KRT86: variants seen among roughly 807,000 people sequenced by gnomAD.
KRT86 encodes the protein keratin 86, also known as keratin, type II cuticular Hb6.
A neutral mutation model predicts 41.2 loss-of-function variants in KRT86; 30 were observed. The ratio of observed to expected loss-of-function variants is 0.73; its 90% confidence interval spans 0.54 to 0.99. The LOEUF (loss-of-function observed/expected upper bound fraction) is 0.99, where lower values mean the gene tolerates loss of function less well. KRT86 is among the 50% of genes least tolerant of loss of function. The pLI is 0.00. For synonymous variants in KRT86, 238 were observed against 238.1 expected, an observed-to-expected ratio of 1.00 and a Z score of 0.00; for missense variants, 561 against 571.4, an observed-to-expected ratio of 0.98 and a Z score of 0.19.
intron 2 of KRT86, among the ~76,000 whole-genome samples, chr12:52,296,316 C>G (rs1014743260): frequency 3.3e-5 from 5 of 151,954 alleles, no homozygotes; most frequent in African/African-American, 1.2e-4. Flanking sequence ...AAGGGTCACT[C>G]CAGGGATGAA....
intron 2 of KRT86, among the ~76,000 whole-genome samples, chr12:52,295,098 G>A (rs1001666387): frequency 6.6e-6 from 1 of 152,154 alleles, no homozygotes; most frequent in Non-Finnish European, 1.5e-5. Context: ...GTGCATTTAT[G>A]CAAGAGTTTT....
intron 2 of KRT86, chr12:52,288,391 C>A: frequency 3.1e-6 from 5 of 1,614,178 alleles, no homozygotes; most frequent in Non-Finnish European, 4.2e-6. Flanking sequence ...GGAAGTCGAT[C>A]TCCTGGATCA....
chr12:52,278,275 T>TGAGGGGATAAC (rs1937684325), intron 2 of KRT86, among the ~76,000 whole-genome samples: 1 of 152,104 alleles, frequency 6.6e-6, no homozygotes, highest in Admixed American at 6.5e-5. Context: ...TTATCCCCAT[T>TGAGGGGATAAC]TTACAGATGA....
At chr12:52,283,470 ATTT>A (rs200241229) in intron 2 of KRT86, among the ~76,000 whole-genome samples, 28 of 65,366 alleles carry the variant, frequency 4.3e-4, no homozygotes, top group South Asian at 1.4e-3. Context: ...TAATCCAAGC[ATTT>A]TTTTTTTTTT....
At chr12:52,288,405 C>T in intron 2 of KRT86, 1 of 1,614,174 alleles carries the variant, frequency 6.2e-7, no homozygotes, top group South Asian at 1.1e-5. Flanking sequence ...TGGATCAGGG[C>T]CTCCACGTTG....
chr12:52,296,548 T>A (rs1180616907), intron 2 of KRT86, among the ~76,000 whole-genome samples: 4 of 152,156 alleles, frequency 2.6e-5, no homozygotes, highest in African/African-American at 9.7e-5. Context: ...CACCCAGGCA[T>A]CTTACAGGGG....
At position 52,305,248 on chromosome 12, in the gene KRT86, C is replaced by T. The variant is rs58523335; in HGVS notation, c.744C>T (p.Arg248=). The T allele has an allele frequency of 3.3e-3, 5,340 of 1,614,174 alleles. 108 individuals carry two copies. In the African/African-American group the frequency reaches 0.052, roughly 16 times the overall value. ...FLRRLYEEEI[R]VLQSHISDTS... is the part of the protein sequence containing the mutation. ...GCCCTCACCTCCTGCAGGAGATCCG[C>T]GTTCTCCAGTCCCACATCTCAGACA... The change falls in exon 7 of 11, where the codon CGC becomes CGT. Residue 248 remains arginine (R), a synonymous_variant. Coordinates refer to ENST00000423955, the MANE Select transcript of KRT86 (RefSeq NM_001320198.2).
At chr12:52,278,023 C>A (rs1023516687) in intron 2 of KRT86, among the ~76,000 whole-genome samples, 2 of 152,206 alleles carry the variant, frequency 1.3e-5, no homozygotes, top group Non-Finnish European at 2.9e-5. Context: ...CAAGGCCTAG[C>A]CAGTGGGAAT....
At chr12:52,305,122 C>T in intron 6 of KRT86, 95 bp downstream of exon 6, 1 of 1,605,622 alleles carries the variant, frequency 6.2e-7, no homozygotes, top group African/African-American at 1.3e-5. Flanking sequence ...AGGTTGCAGT[C>T]CCTGAGGCTG....
Position 52,305,259 on chromosome 12 carries a change from C to T in KRT86, c.755C>T (p.Ser252Phe), listed in dbSNP as rs779962943. 1.9e-5 allele frequency: 31 copies of T among 1,614,200 alleles called. No homozygotes were observed. In the Middle Eastern group the frequency reaches 1.3e-3, roughly 69 times the overall value. The change falls in exon 7 of 11, where the codon TCC becomes TTC. Residue 252 changes from serine (S) to phenylalanine (F), a missense_variant. Coordinates refer to ENST00000423955, the MANE Select transcript of KRT86 (RefSeq NM_001320198.2). ...LYEEEIRVLQ[S>F]HISDTSVVVK... The stretch of plus-strand genomic sequence containing the variant: ...CTGCAGGAGATCCGCGTTCTCCAGT[C>T]CCACATCTCAGACACCTCCGTGGTT...
At chr12:52,280,309 TG>T (rs1236143484) in intron 2 of KRT86, among the ~76,000 whole-genome samples, 1 of 151,872 alleles carries the variant, frequency 6.6e-6, no homozygotes, top group African/African-American at 2.4e-5. Flanking sequence ...GAAGATAGAG[TG>T]GGGTGGCTAG....
intron 2 of KRT86, chr12:52,291,350 C>A: frequency 6.3e-7 from 1 of 1,585,780 alleles, no homozygotes; most frequent in South Asian, 1.1e-5. Flanking sequence ...GGTGAGGCCG[C>A]GGTAGCAGGA....
At chr12:52,307,267 T>C (rs1353722343) in intron 9 of KRT86, among the ~76,000 whole-genome samples, 1 of 152,094 alleles carries the variant, frequency 6.6e-6, no homozygotes, top group Non-Finnish European at 1.5e-5. Flanking sequence ...ATTTCATAAG[T>C]GAAGAATTCT....
chr12:52,277,155 C>T (rs1188659671), intron 2 of KRT86, among the ~76,000 whole-genome samples: 1 of 152,110 alleles, frequency 6.6e-6, no homozygotes, highest in Non-Finnish European at 1.5e-5. Flanking sequence ...GCTAGTTTTC[C>T]TTAGGAAACA....
chr12:52,293,632 A>G (rs12146804), intron 2 of KRT86, among the ~76,000 whole-genome samples: 34,827 of 151,978 alleles, frequency 0.23, 4,297 homozygotes, highest in Non-Finnish European at 0.29. Context: ...GATGTGCAGC[A>G]CCCCGTGGCT....
At position 52,305,765 on chromosome 12, in the gene KRT86, G is replaced by A. The variant is rs376386930; in HGVS notation, c.1003G>A (p.Glu335Lys). The stretch of plus-strand genomic sequence containing the variant: ...CCGCATGATCCAGAGGCTGACGGCT[G>A]AGGTGGAGAATGCCAAGTGCCAGGT... ...LNRMIQRLTA[E>K]VENAKCQNSK... Residue 335 changes from glutamate (E) to lysine (K), a missense_variant, in exon 8 of 11, where the codon GAG (glutamate) becomes AAG (lysine). Around this residue, in one of 3 missense-constraint regions of KRT86, gnomAD observed 397 missense variants for 375.9 expected, o/e 1.06. Transcript: ENST00000423955. 6.8e-6 allele frequency: 11 copies of A among 1,613,978 alleles called. No individual in the cohort carries two copies. Among genetic ancestry groups the A allele is most frequent in the East Asian group, 6.7e-5 (3 of 44,880 alleles).
chr12:52,286,246 TTGGGG>T, intron 2 of KRT86: 1 of 1,552,562 alleles, frequency 6.4e-7, no homozygotes, highest in Non-Finnish European at 8.7e-7. Context: ...GGGACTTGAG[TTGGGG>T]TGCCTAACAT....
At chr12:52,288,106 C>A (rs1405184179) in intron 2 of KRT86, 2 of 1,614,134 alleles carry the variant, frequency 1.2e-6, no homozygotes. Flanking sequence ...AGCTTGACAA[C>A]CACGGAGGTG....
At chr12:52,288,440 T>A (rs1460037717) in intron 2 of KRT86, 1 of 1,613,948 alleles carries the variant, frequency 6.2e-7, no homozygotes, top group South Asian at 1.1e-5. Context: ...CTTGCGGAGG[T>A]AGGCGCAGTC....
Sources: gnomAD v4.1 joint callset for allele counts (sites outside exome capture counted in the v4.1 genomes callset) on GRCh38, gnomAD v4.1.1 for gene constraint, gnomAD v4.1.1 regional missense constraint, MANE v1.5 for transcripts, NCBI Gene and HGNC (gene_info 2026-07-23, HGNC 2026-07-21) for gene names.